ABLIM2: variants seen among roughly 807,000 people sequenced by gnomAD.
ABLIM2 encodes the protein actin binding LIM protein family member 2.
A neutral mutation model predicts 97.7 loss-of-function variants in ABLIM2; 53 were observed. That is an observed-to-expected ratio of 0.54 (90% CI 0.44 to 0.68). The LOEUF (loss-of-function observed/expected upper bound fraction) is 0.68. Among genes scored for constraint, ABLIM2 ranks in the 30% least tolerant of loss-of-function variants. The pLI is 0.00. For synonymous variants in ABLIM2, 361 were observed against 345.8 expected (o/e 1.04, Z -0.49); for missense variants, 835 against 867.2 (o/e 0.96, Z 0.47).
chr4:7,990,978 C>A (rs907305958), intron 17 of ABLIM2, among the ~76,000 whole-genome samples: 1 of 152,186 alleles, frequency 6.6e-6, no homozygotes, highest in African/African-American at 2.4e-5. Flanking sequence ...ATGAGTTCTG[C>A]GCATATCAGC....
At chr4:8,031,322 C>T (rs1007431131) in intron 10 of ABLIM2, among the ~76,000 whole-genome samples, 43 of 150,640 alleles carry the variant, frequency 2.9e-4, no homozygotes, top group Admixed American at 2.3e-3. Context: ...CAGGAGTGTG[C>T]TCTGTGTCAG....
chr4:8,152,612 G>T (rs1713383219), intron 1 of ABLIM2, among the ~76,000 whole-genome samples: 1 of 152,230 alleles, frequency 6.6e-6, no homozygotes, highest in South Asian at 2.1e-4. Context: ...CTCTGTGCTG[G>T]GTGCGAGCCT....
At position 8,113,053 on chromosome 4, in the gene ABLIM2, C is replaced by G. The variant is rs907547162; in HGVS notation, c.11-6416G>C. Among the ~76,000 whole-genome samples, 1 of 152,186 alleles carries G rather than the reference C, an allele frequency of 6.6e-6. No individual in the cohort carries two copies. Among genetic ancestry groups the G allele is most frequent in the Non-Finnish European group, 1.5e-5 (1 of 68,032 alleles). ...TTTCTGTCCAGCGAACCAGCTCTCACGACCCAGACAGCAGAGTCCTCATCA... is the reference window on the plus strand; with the variant it reads ...TTTCTGTCCAGCGAACCAGCTCTCAGGACCCAGACAGCAGAGTCCTCATCA... On this transcript the variant is annotated intron_variant, in intron 1 of 20. Coordinates refer to ENST00000447017, the MANE Select transcript of ABLIM2 (RefSeq NM_001130083.2). This position sits in a 1 kb window ranked among gnomAD's most constrained non-coding sequence, Gnocchi z 4.5.
rs952420500 is a variant in ABLIM2, at chr4:7,988,553, G to A, written c.1681-3660C>T. 3.3e-5 allele frequency among the ~76,000 whole-genome samples: 5 copies of A among 152,336 alleles called. No individual in the cohort carries two copies. The East Asian group carries it at 9.6e-4, about 29-fold the overall frequency. ...ATAGGAATTGAGATTATGGCCATTT[G>A]CCACTGGTCACCCTTCTTTCCTTGC... is the stretch of plus-strand genomic sequence containing the variant. On this transcript the variant is annotated intron_variant, in intron 17 of 20. Coordinates refer to ENST00000447017, the MANE Select transcript of ABLIM2 (RefSeq NM_001130083.2).
At chr4:8,041,482 C>T (rs1788500861) in intron 9 of ABLIM2, 1 of 152,204 alleles carries the variant, frequency 6.6e-6, no homozygotes, top group Non-Finnish European at 1.5e-5. Context: ...CCCAGCTCTG[C>T]CTTGAAAGTG....
intron 1 of ABLIM2, among the ~76,000 whole-genome samples, chr4:8,137,363 C>T (rs950897750): frequency 1.5e-4 from 23 of 152,226 alleles, no homozygotes; most frequent in African/African-American, 5.5e-4. Flanking sequence ...TGGACAAGCC[C>T]ATGCCTCACA....
At chr4:7,978,571 C>A (rs1317285) in intron 20 of ABLIM2, among the ~76,000 whole-genome samples, 25,850 of 152,076 alleles carry the variant, frequency 0.17, 2,742 homozygotes, top group East Asian at 0.5. Context: ...GCTGGCTGAG[C>A]TCACCTTTTG....
chr4:7,971,132 G>C (rs1008439453), intron 20 of ABLIM2, among the ~76,000 whole-genome samples: 1 of 152,118 alleles, frequency 6.6e-6, no homozygotes, highest in African/African-American at 2.4e-5. Context: ...AGGTGAGAGG[G>C]GCTCAAAGGT....
chr4:7,986,429 G>A lies in ABLIM2; in HGVS notation c.1681-1536C>T, dbSNP rs77004921. ...GAGGGCTAGAGTCAGGCTCACGAGT[G>A]GGGTAAGCACCCAGGCAGAGGACTG... On this transcript the variant is annotated intron_variant, in intron 17 of 20. Transcript: ENST00000447017. The surrounding 1 kb of genome is among the most constrained non-coding windows in gnomAD (Gnocchi z 4.3). Among the ~76,000 whole-genome samples, 2 of 152,128 alleles carry A rather than the reference G, an allele frequency of 1.3e-5. No homozygotes were observed. Among genetic ancestry groups the A allele is most frequent in the Non-Finnish European group, 2.9e-5 (2 of 68,024 alleles).
At chr4:8,117,085 G>A (rs1843099391) in intron 1 of ABLIM2, among the ~76,000 whole-genome samples, 1 of 152,234 alleles carries the variant, frequency 6.6e-6, no homozygotes, top group South Asian at 2.1e-4. Context: ...AAAGTCCCAA[G>A]AGGAGGCACT....
chr4:8,114,017 C>T (rs996646343), intron 1 of ABLIM2, among the ~76,000 whole-genome samples: 1 of 152,210 alleles, frequency 6.6e-6, no homozygotes. Context: ...GGACAGGCAC[C>T]TTCTGGGACA....
At position 8,026,598 on chromosome 4, in the gene ABLIM2, T is replaced by G. The variant is rs373554609; in HGVS notation, c.1267+1161A>C. On this transcript the variant is annotated intron_variant, in intron 12 of 20. Coordinates refer to ENST00000447017, the MANE Select transcript of ABLIM2 (RefSeq NM_001130083.2). The stretch of plus-strand genomic sequence containing the variant: ...AGCAGCTGCTCAGGATGGGGAATTA[T>G]TGCATTGCTTGGGGAATTGGCAAGA... 4.6e-5 allele frequency among the ~76,000 whole-genome samples: 7 copies of G among 152,396 alleles called. No individual in the cohort carries two copies. In the East Asian group the frequency reaches 1.2e-3, roughly 25 times the overall value.
intron 5 of ABLIM2, among the ~76,000 whole-genome samples, chr4:8,079,021 T>C (rs545004152): frequency 6.6e-6 from 1 of 152,360 alleles, no homozygotes; most frequent in Admixed American, 6.5e-5. Context: ...GCTCACGTTC[T>C]TTTCCTCCAA....
chr4:8,011,631 G>A (rs988955673), intron 14 of ABLIM2, among the ~76,000 whole-genome samples: 9 of 152,230 alleles, frequency 5.9e-5, no homozygotes, highest in Non-Finnish European at 1.2e-4. Flanking sequence ...TAACTTTGAG[G>A]CTAATTTGCA....
rs1217350663 is a variant in ABLIM2 at position 8,091,569 on chromosome 4, T to C, written c.339-3285A>G. Among the ~76,000 whole-genome samples, 4 of 39,324 alleles carry C rather than the reference T, an allele frequency of 1.0e-4. 1 individual carries two copies. The Admixed American group carries it at 1.6e-3, about 16-fold the overall frequency. 25.8% of individuals were successfully genotyped at this position (39,324 alleles called of 152,430 possible). A position where few individuals can be genotyped will look rare whatever the true frequency, so the allele number is the denominator to read the frequency against. On this transcript the variant is annotated intron_variant, in intron 3 of 20. Transcript: ENST00000447017. ...AATATTTATAATTATATATATTATA[T>C]ATAATTTTATATAAAATTATATATA...
intron 2 of ABLIM2, among the ~76,000 whole-genome samples, chr4:8,098,776 A>C (rs1025524577): frequency 7.9e-5 from 12 of 152,210 alleles, no homozygotes; most frequent in Non-Finnish European, 1.5e-4. Context: ...ACGGCAGCAC[A>C]GATGAGCATC....
At chr4:8,038,353 G>C (rs1028981573) in intron 9 of ABLIM2, among the ~76,000 whole-genome samples, 5 of 152,108 alleles carry the variant, frequency 3.3e-5, no homozygotes, top group Admixed American at 3.3e-4. Context: ...CTTCACTGCT[G>C]GGGGGAATGC....
Position 7,998,593 on chromosome 4 carries a change from G to C in ABLIM2, c.1619-5666C>G, listed in dbSNP as rs564056229. ...CCCCTGGGTTCACTCCCAGGACTGC[G>C]GGGTGCCTGCTGGCCACCTGCCCAT... On this transcript the variant is annotated intron_variant, in intron 16 of 20. Coordinates refer to ENST00000447017, the MANE Select transcript of ABLIM2 (RefSeq NM_001130083.2). The surrounding 1 kb of genome is among the most constrained non-coding windows in gnomAD (Gnocchi z 6.4). The C allele has an allele frequency of 2.1e-6, 1 of 484,552 alleles. No individual in the cohort carries two copies. Among genetic ancestry groups the C allele is most frequent in the Non-Finnish European group, 4.1e-6 (1 of 242,392 alleles). The allele number at this position is 484,552 out of a possible 1,614,324, so 30.0% of individuals were successfully genotyped here. A position where few individuals can be genotyped will look rare whatever the true frequency, so the allele number is the denominator to read the frequency against.
intron 20 of ABLIM2, among the ~76,000 whole-genome samples, chr4:7,976,889 A>G (rs954048606): frequency 7.3e-6 from 1 of 137,062 alleles, no homozygotes; most frequent in Non-Finnish European, 1.6e-5. Context: ...ACACACACGC[A>G]TATACACACA....
Sources: gnomAD v4.1 joint callset for allele counts (sites outside exome capture counted in the v4.1 genomes callset) on GRCh38, gnomAD v4.1.1 for gene constraint, Gnocchi (gnomAD v3.1) non-coding constraint, MANE v1.5 for transcripts, NCBI Gene and HGNC (gene_info 2026-07-23, HGNC 2026-07-21) for gene names.